SOWAHB: variants seen among roughly 807,000 people sequenced by gnomAD.
SOWAHB encodes the protein sosondowah ankyrin repeat domain family member B.
A neutral mutation model predicts 18.3 loss-of-function variants in SOWAHB; 17 were observed. The ratio of observed to expected loss-of-function variants is 0.93; its 90% CI spans 0.64 to 1.40. SOWAHB has a LOEUF of 1.40. Among genes scored for constraint, SOWAHB ranks in the 40% most tolerant of loss-of-function variants. The pLI, the probability that SOWAHB is intolerant of heterozygous loss-of-function variation, is 0.00. For missense variants in SOWAHB, 1,126 were observed against 1,033.7 expected (o/e 1.09, Z -1.22); for synonymous variants, 496 against 448.1 (o/e 1.11, Z -1.35).
Position 76,895,881 on chromosome 4 carries a change from C to A in SOWAHB, c.1969G>T (p.Ala657Ser), listed in dbSNP as rs776866678. The change falls in exon 1 of 1, where the codon GCA becomes TCA. Residue 657 changes from alanine (A) to serine (S), a missense_variant. By Grantham distance (99) the Ala-to-Ser change is moderately conservative. Transcript: ENST00000334306. ...LQDLVSGAKK[A>S]GIVLDVNVRS... ...ACGTTTACATCAAGGACAATCCCTGCCTTCTTTGCTCCAGACACCAAGTCC... is the reference window on the plus strand; with the variant it reads ...ACGTTTACATCAAGGACAATCCCTGACTTCTTTGCTCCAGACACCAAGTCC... 5 of 1,614,220 alleles carry A rather than the reference C, an allele frequency of 3.1e-6. No individual in the cohort carries two copies. Among genetic ancestry groups the A allele is most frequent in the Non-Finnish European group, 4.2e-6 (5 of 1,180,040 alleles).
Position 76,897,749 on chromosome 4 carries a change from A to G in SOWAHB, c.101T>C (p.Leu34Pro). The change falls in exon 1 of 1, where the codon CTC becomes CCC. Residue 34 changes from leucine to proline, a missense_variant. By Grantham distance (98) the Leu-to-Pro change is moderately conservative. Coordinates refer to ENST00000334306, the MANE Select transcript of SOWAHB (RefSeq NM_001029870.3). The surrounding 1 kb of genome is among the most constrained non-coding windows in gnomAD (Gnocchi z 6.4). ...AALLSHFKSFLRDPDASPSQH... is the reference protein window; with the variant it reads ...AALLSHFKSFPRDPDASPSQH... Reference sequence around the variant, plus strand: ...GCTGGGGGACGCGTCGGGGTCTCGGAGAAAGCTCTTGAAGTGGCTCAGCAA... The same window carrying G: ...GCTGGGGGACGCGTCGGGGTCTCGGGGAAAGCTCTTGAAGTGGCTCAGCAA... The G allele has an allele frequency of 6.2e-7, 1 of 1,608,532 alleles. No homozygotes were observed. Among genetic ancestry groups the G allele is most frequent in the Non-Finnish European group, 8.5e-7 (1 of 1,179,880 alleles).
In SOWAHB at chr4:76,896,362, G is replaced by A. The variant is rs1286686727; in HGVS notation, c.1488C>T (p.Leu496=). 8.1e-6 allele frequency: 13 copies of A among 1,599,662 alleles called. No homozygotes were observed. Among genetic ancestry groups the A allele is most frequent in the Non-Finnish European group, 1.1e-5 (13 of 1,171,452 alleles). ...CTCTCCCTGCCAGAGAGCTCCTCCT[G>A]AGGGACCTCCTTAACTTAGGAACTG... The part of the protein sequence containing the change: ...PWPVPKLRRS[L]RRSSLAGRAK... The change falls in exon 1 of 1, where the codon CTC becomes CTT. Residue 496 remains leucine, a synonymous_variant. Transcript: ENST00000334306.
chr4:76,897,887 C>T lies in SOWAHB; in HGVS notation c.-38G>A, dbSNP rs1313052986. The T allele has an allele frequency of 1.9e-6, 3 of 1,551,580 alleles. No homozygotes were observed. The highest frequency in any genetic ancestry group is 2.6e-6 in the Non-Finnish European group (3 of 1,154,220). Reference sequence around the variant, plus strand: ...CTCCGCCCCAGAGGTGTCTGAGTCTCGCCCTCCCGGGGCTCTCCCCAGCCA... The same window carrying T: ...CTCCGCCCCAGAGGTGTCTGAGTCTTGCCCTCCCGGGGCTCTCCCCAGCCA... On this transcript the variant is annotated 5_prime_UTR_variant, in exon 1 of 1. Coordinates refer to ENST00000334306, the MANE Select transcript of SOWAHB (RefSeq NM_001029870.3). This position sits in a 1 kb window ranked among gnomAD's most constrained non-coding sequence, Gnocchi z 6.4.
chr4:76,895,593 A>G lies in SOWAHB; in HGVS notation c.2257T>C (p.Ser753Pro). ...PTRKAKSKEI[S>P]RSVTRKTSFA... ...GAAGTTTTTCGGGTGACACTTCTAG[A>G]TATTTCCTTGCTCTTGGCCTTTCTG... Residue 753 changes from serine to proline, a missense_variant, in exon 1 of 1, where the codon TCT (serine) becomes CCT (proline). Coordinates refer to ENST00000334306, the MANE Select transcript of SOWAHB (RefSeq NM_001029870.3). The G allele has an allele frequency of 3.1e-6, 5 of 1,614,186 alleles. No homozygotes were observed. In the South Asian group the frequency reaches 5.5e-5, roughly 18 times the overall value.
rs540204534 is a variant in SOWAHB, at chr4:76,897,296, G to A, written c.554C>T (p.Ala185Val). The A allele has an allele frequency of 2.6e-6, 4 of 1,541,614 alleles. No individual in the cohort carries two copies. In the Admixed American group the frequency reaches 7.7e-5, roughly 30 times the overall value. The part of the protein sequence containing the change: ...AAAAAGAQAR[A>V]SCAAAKTQGR... ...CTGCGTCTTCGCCGCCGCGCAGCTC[G>A]CTCTCGCCTGGGCCCCTGCCGCTGC... The change falls in exon 1 of 1, where the codon GCG becomes GTG. Residue 185 changes from alanine to valine, a missense_variant. Physicochemically the swap from Ala to Val is moderately conservative, Grantham distance 64. Transcript: ENST00000334306. The surrounding 1 kb of genome is among the most constrained non-coding windows in gnomAD (Gnocchi z 6.4).
Position 76,897,507 on chromosome 4 carries a change from G to C in SOWAHB, c.343C>G (p.Pro115Ala), listed in dbSNP as rs1719960544. The C allele has an allele frequency of 1.4e-5, 20 of 1,426,860 alleles. No individual in the cohort carries two copies. The highest frequency in any genetic ancestry group is 3.1e-5 in the Admixed American group (1 of 32,112). 88.4% of individuals were successfully genotyped at this position (1,426,860 alleles called of 1,614,324 possible). Residue 115 changes from proline (P) to alanine (A), a missense_variant, in exon 1 of 1, where the codon CCG becomes GCG. Physicochemically the swap from Pro to Ala is conservative, Grantham distance 27 (BLOSUM62 -1). Transcript: ENST00000334306. The surrounding 1 kb of genome is among the most constrained non-coding windows in gnomAD (Gnocchi z 6.4). ...CSPRGARRGE[P>A]PQQQPRRRRR... The stretch of plus-strand genomic sequence containing the variant: ...CGCCGCCTGGGCTGCTGCTGGGGCG[G>C]CTCCCCCCGGCGCGCGCCTCGCGGG...
chr4:76,895,892 C>A lies in SOWAHB; in HGVS notation c.1958G>T (p.Gly653Val), dbSNP rs759677258. 6.2e-7 allele frequency: 1 copy of A among 1,614,208 alleles called. No homozygotes were observed. Among genetic ancestry groups the A allele is most frequent in the South Asian group, 1.1e-5 (1 of 91,074 alleles). Reference protein sequence around the residue: ...DLRALQDLVSGAKKAGIVLDV... With the variant: ...DLRALQDLVSVAKKAGIVLDV... Reference sequence around the variant, plus strand: ...AAGGACAATCCCTGCCTTCTTTGCTCCAGACACCAAGTCCTGAAGGGCCCT... The same window carrying A: ...AAGGACAATCCCTGCCTTCTTTGCTACAGACACCAAGTCCTGAAGGGCCCT... Residue 653 changes from glycine (G) to valine (V), a missense_variant, in exon 1 of 1, where the codon GGA becomes GTA. Gly to Val is a moderately radical substitution (Grantham distance 109). Coordinates refer to ENST00000334306, the MANE Select transcript of SOWAHB (RefSeq NM_001029870.3).
Position 76,897,040 on chromosome 4 carries a change from A to G in SOWAHB, c.810T>C (p.Ala270=). ...PATVEAATSR[A]SPPALLPGPA... ...GGCCGGGCAGGAGAGCAGGCGGGGA[A>G]GCCCTGCTTGTCGCAGCCTCGACGG... Residue 270 remains alanine (A), a synonymous_variant, in exon 1 of 1, where the codon GCT becomes GCC. Coordinates refer to ENST00000334306, the MANE Select transcript of SOWAHB (RefSeq NM_001029870.3). This position sits in a 1 kb window ranked among gnomAD's most constrained non-coding sequence, Gnocchi z 6.4. The G allele has an allele frequency of 6.5e-7, 1 of 1,546,496 alleles. No individual in the cohort carries two copies.
rs547340432 is a variant in SOWAHB, at chr4:76,897,618, T to C, written c.232A>G (p.Arg78Gly). The C allele has an allele frequency of 1.5e-5, 24 of 1,611,438 alleles. No individual in the cohort carries two copies. In the East Asian group the frequency reaches 5.4e-4, roughly 36 times the overall value. ...AGCCCCTCCTCCCCCAAAAGGTCCC[T>C]GTATCTCCTCTTGAGCACCACGTAC... ...TKYVVLKRRY[R>G]DLLGEEGLQR... The change falls in exon 1 of 1, where the codon AGG (arginine) becomes GGG (glycine). Residue 78 changes from arginine to glycine, a missense_variant. Transcript: ENST00000334306. The surrounding 1 kb of genome is among the most constrained non-coding windows in gnomAD (Gnocchi z 6.4).
Position 76,895,424 on chromosome 4 carries a change from A to C in SOWAHB, c.*44T>G. On this transcript the variant is annotated 3_prime_UTR_variant, in exon 1 of 1. Transcript: ENST00000334306. ...TTCCCCCTGAATTCTCTCACTGAGCAGGATGAGGGAGTGCTGCCTGCATGT... is the reference window on the plus strand; with the variant it reads ...TTCCCCCTGAATTCTCTCACTGAGCCGGATGAGGGAGTGCTGCCTGCATGT... 1 of 1,505,854 alleles carries C rather than the reference A, an allele frequency of 6.6e-7. No homozygotes were observed. The highest frequency in any genetic ancestry group is 1.3e-5 in the South Asian group (1 of 75,254). 93.3% of individuals were successfully genotyped at this position (1,505,854 alleles called of 1,614,324 possible).
rs774968607 is a variant in SOWAHB, at chr4:76,896,231, C to T, written c.1619G>A (p.Ser540Asn). ...TGATAAACCTGCATCAACCCTTGGGCTGGGTGCCGTTCCTGCCTTGGAGGG... is the reference window on the plus strand; with the variant it reads ...TGATAAACCTGCATCAACCCTTGGGTTGGGTGCCGTTCCTGCCTTGGAGGG... Reference protein sequence around the residue: ...RKPSKAGTAPSPRVDAGLSLK... With the variant: ...RKPSKAGTAPNPRVDAGLSLK... The change falls in exon 1 of 1, where the codon AGC becomes AAC. Residue 540 changes from serine (S) to asparagine (N), a missense_variant. Transcript: ENST00000334306. 4 of 1,584,694 alleles carry T rather than the reference C, an allele frequency of 2.5e-6. No homozygotes were observed. In the Admixed American group the frequency reaches 5.5e-5, roughly 22 times the overall value.
At position 76,894,263 on chromosome 4, in the gene SOWAHB, T is replaced by C. The variant is rs1193804277; in HGVS notation, c.*1205A>G. 6.6e-6 allele frequency among the ~76,000 whole-genome samples: 1 copy of C among 152,160 alleles called. No individual in the cohort carries two copies. The highest frequency in any genetic ancestry group is 2.4e-5 in the African/African-American group (1 of 41,434). On this transcript the variant is annotated 3_prime_UTR_variant, in exon 1 of 1. Coordinates refer to ENST00000334306, the MANE Select transcript of SOWAHB (RefSeq NM_001029870.3). ...GTCACATCTCATGAAAACATTCCCA[T>C]AAAAAATTAACAATTTCCACTTGAA...
In SOWAHB at chr4:76,897,357, C is replaced by T. The variant is rs1240213529; in HGVS notation, c.493G>A (p.Gly165Ser). ...RAPGKGGGSK[G>S]SPGQRPPVPA... ...ACCGGCGGCCTCTGTCCGGGACTGC[C>T]CTTCGATCCGCCGCCCTTCCCGGGC... The change falls in exon 1 of 1, where the codon GGC becomes AGC. Residue 165 changes from glycine to serine, a missense_variant. Transcript: ENST00000334306. The surrounding 1 kb of genome is among the most constrained non-coding windows in gnomAD (Gnocchi z 6.4). The T allele has an allele frequency of 6.5e-7, 1 of 1,532,140 alleles. No homozygotes were observed. Among genetic ancestry groups the T allele is most frequent in the East Asian group, 2.5e-5 (1 of 40,090 alleles). 94.9% of individuals were successfully genotyped at this position (1,532,140 alleles called of 1,614,324 possible).
chr4:76,897,487 C>T lies in SOWAHB; in HGVS notation c.363G>A (p.Arg121=). The T allele has an allele frequency of 3.2e-5, 47 of 1,477,212 alleles. 1 individual carries two copies. Among genetic ancestry groups the T allele is most frequent in the Non-Finnish European group, 4.2e-5 (47 of 1,121,382 alleles). The allele number at this position is 1,477,212 out of a possible 1,614,324, so 91.5% of individuals were successfully genotyped here. A position where few individuals can be genotyped will look rare whatever the true frequency, so the allele number is the denominator to read the frequency against. ...CCGGCTCCTTCTCGCGCCGCCGCCG[C>T]CTGGGCTGCTGCTGGGGCGGCTCCC... The part of the protein sequence containing the change: ...RRGEPPQQQP[R]RRRREKEPEE... Residue 121 remains arginine, a synonymous_variant, in exon 1 of 1, where the codon AGG becomes AGA. Coordinates refer to ENST00000334306, the MANE Select transcript of SOWAHB (RefSeq NM_001029870.3). This position sits in a 1 kb window ranked among gnomAD's most constrained non-coding sequence, Gnocchi z 6.4.
chr4:76,894,191 G>T lies in SOWAHB; in HGVS notation c.*1277C>A, dbSNP rs907823106. Among the ~76,000 whole-genome samples the T allele has an allele frequency of 2.6e-5, 4 of 152,060 alleles. No homozygotes were observed. The highest frequency in any genetic ancestry group is 7.2e-5 in the African/African-American group (3 of 41,384). ...AAGATCTATTGATCTTTTAATGGGGGCAAATAACCAGAAGAAACACAAAAA... is the reference window on the plus strand; with the variant it reads ...AAGATCTATTGATCTTTTAATGGGGTCAAATAACCAGAAGAAACACAAAAA... On this transcript the variant is annotated 3_prime_UTR_variant, in exon 1 of 1. Transcript: ENST00000334306.
chr4:76,897,066 T>C lies in SOWAHB; in HGVS notation c.784A>G (p.Thr262Ala), dbSNP rs1051046689. The C allele has an allele frequency of 2.6e-6, 4 of 1,538,882 alleles. No homozygotes were observed. The highest frequency in any genetic ancestry group is 3.5e-6 in the Non-Finnish European group (4 of 1,148,540). ...GCCCTGCTTGTCGCAGCCTCGACGG[T>C]GGCGGGAGGCGAGTGAGCCACTGCA... ...VPAVAHSPPA[T>A]VEAATSRASP... Residue 262 changes from threonine to alanine, a missense_variant, in exon 1 of 1, where the codon ACC becomes GCC. Physicochemically the swap from Thr to Ala is moderately conservative, Grantham distance 58 (BLOSUM62 0). Coordinates refer to ENST00000334306, the MANE Select transcript of SOWAHB (RefSeq NM_001029870.3). The surrounding 1 kb of genome is among the most constrained non-coding windows in gnomAD (Gnocchi z 6.4).
At position 76,895,293 on chromosome 4, in the gene SOWAHB, G is replaced by A. The variant is rs1244648368; in HGVS notation, c.*175C>T. ...AGTCAAGGAGTTCAGCTTTCAAAAA[G>A]CTTGGATGACCCTCTTGAGGTCCAG... On this transcript the variant is annotated 3_prime_UTR_variant, in exon 1 of 1. Transcript: ENST00000334306. 1.6e-6 allele frequency: 1 copy of A among 612,612 alleles called. No homozygotes were observed. Among genetic ancestry groups the A allele is most frequent in the African/African-American group, 1.9e-5 (1 of 53,848 alleles). The allele number at this position is 612,612 out of a possible 1,614,324, so 37.9% of individuals were successfully genotyped here. A position where few individuals can be genotyped will look rare whatever the true frequency, so the allele number is the denominator to read the frequency against.
Position 76,897,423 on chromosome 4 carries a change from C to T in SOWAHB, c.427G>A (p.Ala143Thr). Residue 143 changes from alanine (A) to threonine (T), a missense_variant, in exon 1 of 1, where the codon GCA becomes ACA. Ala to Thr is a moderately conservative substitution (Grantham distance 58, BLOSUM62 0). Coordinates refer to ENST00000334306, the MANE Select transcript of SOWAHB (RefSeq NM_001029870.3). This position sits in a 1 kb window ranked among gnomAD's most constrained non-coding sequence, Gnocchi z 6.4. ...CTGCCCGGGAGTCCATTGCAAGCTG[C>T]GTCGGCGGCTCTGGCTGCTGCACCT... Reference protein sequence around the residue: ...PAGAAARAADAACNGLPGSDS... With the variant: ...PAGAAARAADTACNGLPGSDS... The T allele has an allele frequency of 6.6e-7, 1 of 1,517,026 alleles. No homozygotes were observed. The highest frequency in any genetic ancestry group is 1.2e-5 in the South Asian group (1 of 81,932). 94.0% of individuals were successfully genotyped at this position (1,517,026 alleles called of 1,614,324 possible).
chr4:76,895,578 G>C lies in SOWAHB; in HGVS notation c.2272C>G (p.Arg758Gly), dbSNP rs756594930. 2 of 1,614,044 alleles carry C rather than the reference G, an allele frequency of 1.2e-6. No individual in the cohort carries two copies. The highest frequency in any genetic ancestry group is 1.7e-6 in the Non-Finnish European group (2 of 1,180,042). Residue 758 changes from arginine to glycine, a missense_variant, in exon 1 of 1, where the codon CGA becomes GGA. Physicochemically the swap from Arg to Gly is moderately radical, Grantham distance 125 (BLOSUM62 -2). Coordinates refer to ENST00000334306, the MANE Select transcript of SOWAHB (RefSeq NM_001029870.3). ...AGTAGTGCAGCGAAGGAAGTTTTTCGGGTGACACTTCTAGATATTTCCTTG... is the reference window on the plus strand; with the variant it reads ...AGTAGTGCAGCGAAGGAAGTTTTTCCGGTGACACTTCTAGATATTTCCTTG... Reference protein sequence around the residue: ...KSKEISRSVTRKTSFAALLKS... With the variant: ...KSKEISRSVTGKTSFAALLKS...
Sources: allele counts gnomAD v4.1 joint callset (sites outside exome capture counted in the v4.1 genomes callset), GRCh38; gene constraint gnomAD v4.1.1; non-coding constraint Gnocchi (gnomAD v3.1); transcripts MANE v1.5; gene names NCBI Gene and HGNC (gene_info 2026-07-23, HGNC 2026-07-21).